SRGAP3: variants seen among roughly 807,000 people sequenced by gnomAD.
SRGAP3 encodes SLIT-ROBO Rho GTPase-activating protein 3.
Under a neutral mutation model 121.1 loss-of-function variants are expected in SRGAP3, and 39 were observed. The ratio of observed to expected loss-of-function variants is 0.32; its 90% confidence interval spans 0.25 to 0.42. The LOEUF is 0.42. Among genes scored for constraint, SRGAP3 ranks in the 10% least tolerant of loss-of-function variants. The probability of loss-of-function intolerance (pLI) is 1.00; values close to 1 mark genes in which losing one functional copy is unlikely to be tolerated. For synonymous variants in SRGAP3, 601 were observed against 570.0 expected (o/e 1.05, Z -0.77); for missense variants, 1,213 against 1,470.6 (o/e 0.82, Z 2.86).
chr3:9,205,776 A>G (rs1952245060), intron 1 of SRGAP3, among the ~76,000 whole-genome samples: 1 of 152,238 alleles, frequency 6.6e-6, no homozygotes, highest in African/African-American at 2.4e-5. Flanking sequence ...CTAGCCATAC[A>G]ATAGGATATT....
At chr3:9,057,043 A>C (rs2669999) in intron 7 of SRGAP3, among the ~76,000 whole-genome samples, 1 of 151,964 alleles carries the variant, frequency 6.6e-6, no homozygotes, top group Non-Finnish European at 1.5e-5. Flanking sequence ...CACCATGCCC[A>C]GCTATTTTTT....
At chr3:9,013,928 A>G (rs1304320350) in intron 15 of SRGAP3, 86 bp from the exon 16 acceptor site, 2 of 1,248,652 alleles carry the variant, frequency 1.6e-6, no homozygotes, top group East Asian at 4.8e-5. Flanking sequence ...TCCTATATCA[A>G]CCCACGTGGA....
intron 4 of SRGAP3, among the ~76,000 whole-genome samples, chr3:9,077,912 G>A (rs559135928): frequency 2.0e-4 from 31 of 152,336 alleles, no homozygotes; most frequent in African/African-American, 7.5e-4. Context: ...CCACACAGCT[G>A]GGTTCAAATG....
chr3:9,306,549 T>C (rs1321214769), intron 3 of SRGAP3, among the ~76,000 whole-genome samples: 2 of 152,228 alleles, frequency 1.3e-5, no homozygotes, highest in Admixed American at 1.3e-4. Flanking sequence ...TGGTTTTAGG[T>C]ATAACATTTA....
upstream of SRGAP3, among the ~76,000 whole-genome samples, chr3:9,251,007 A>C (rs1954000631): frequency 6.6e-6 from 1 of 152,194 alleles, no homozygotes; most frequent in South Asian, 2.1e-4. Context: ...ATAGTCTTCC[A>C]TTTGCCTTTT....
At chr3:9,265,636 G>A (rs1482561942) in intron 3 of SRGAP3, among the ~76,000 whole-genome samples, 1 of 151,962 alleles carries the variant, frequency 6.6e-6, no homozygotes. Flanking sequence ...CATCATCACT[G>A]GTCATTAGAG....
At chr3:9,136,231 C>A (rs1385936317) in intron 1 of SRGAP3, among the ~76,000 whole-genome samples, 1 of 152,232 alleles carries the variant, frequency 6.6e-6, no homozygotes, top group Admixed American at 6.5e-5. Flanking sequence ...GACACGGGCT[C>A]CCCATTGCCG....
chr3:9,050,583 C>T (rs1448804754), intron 9 of SRGAP3, among the ~76,000 whole-genome samples: 1 of 152,188 alleles, frequency 6.6e-6, no homozygotes, highest in Admixed American at 6.5e-5. Context: ...TACTAGGAAA[C>T]CAGGTTAGCA....
At chr3:9,203,711 T>C (rs1225212514) in intron 1 of SRGAP3, among the ~76,000 whole-genome samples, 1 of 152,222 alleles carries the variant, frequency 6.6e-6, no homozygotes, top group African/African-American at 2.4e-5. Context: ...TGTGCCCACC[T>C]CAGAGCCTGG....
intron 2 of SRGAP3, among the ~76,000 whole-genome samples, chr3:9,113,986 A>G (rs1948718946): frequency 2.0e-5 from 3 of 152,206 alleles, no homozygotes; most frequent in African/African-American, 7.2e-5. Flanking sequence ...GCTGGGAGCC[A>G]GAGAGCGCAG....
In SRGAP3 at chr3:9,025,225, CT is replaced by C. The variant is rs1222206310; in HGVS notation, c.1678+35del. 3 of 1,611,478 alleles carry C rather than the reference CT, an allele frequency of 1.9e-6. No homozygotes were observed. In the African/African-American group the frequency reaches 4.0e-5, roughly 22 times the overall value. The stretch of plus-strand genomic sequence containing the variant: ...ACGTGAATATTCACCCTGGCTTCCC[CT>C]GGCCACAAGCCTAAGATGGTCGCTC... On this transcript the variant is annotated intron_variant, in intron 14 of 21. Transcript: ENST00000383836.
At chr3:9,082,080 C>T (rs1040713746) in intron 3 of SRGAP3, among the ~76,000 whole-genome samples, 30 of 152,278 alleles carry the variant, frequency 2.0e-4, no homozygotes, top group East Asian at 7.7e-4. Flanking sequence ...TGGGGGTGAA[C>T]GGCTCAGTGA....
chr3:9,316,272 C>A (rs866844900), intron 3 of SRGAP3, among the ~76,000 whole-genome samples: 25 of 151,540 alleles, frequency 1.6e-4, no homozygotes, highest in African/African-American at 5.8e-4. Context: ...TGGTCTTGAA[C>A]TGCTGGCCTC....
intron 18 of SRGAP3, among the ~76,000 whole-genome samples, chr3:9,006,331 C>T (rs1377474634): frequency 9.6e-5 from 14 of 146,270 alleles, no homozygotes; most frequent in East Asian, 2.0e-4. Context: ...ACCAGGGAGT[C>T]GGAGGCTGCA....
intron 2 of SRGAP3, among the ~76,000 whole-genome samples, chr3:9,112,943 A>G (rs1948682055): frequency 6.6e-6 from 1 of 152,206 alleles, no homozygotes; most frequent in Non-Finnish European, 1.5e-5. Context: ...AGCTCAGACT[A>G]GAAGGATGGG....
At chr3:9,130,922 C>T (rs1949421042) in intron 1 of SRGAP3, among the ~76,000 whole-genome samples, 1 of 152,234 alleles carries the variant, frequency 6.6e-6, no homozygotes, top group South Asian at 2.1e-4. Context: ...CCAGTTCACA[C>T]AACCAGCTGG....
intron 1 of SRGAP3, among the ~76,000 whole-genome samples, chr3:9,155,377 G>C (rs1016624848): frequency 6.6e-6 from 1 of 152,178 alleles, no homozygotes; most frequent in Non-Finnish European, 1.5e-5. Context: ...CTGTCTGGGT[G>C]TGGATTTATT....
chr3:9,249,698 C>T (rs942398546), upstream of SRGAP3: 4 of 231,516 alleles, frequency 1.7e-5, no homozygotes, highest in African/African-American at 8.9e-5. Context: ...CGTCACTAGA[C>T]TCCGCCTCCC....
chr3:9,315,890 ATTAC>A (rs1396236195), intron 3 of SRGAP3, among the ~76,000 whole-genome samples: 1 of 152,224 alleles, frequency 6.6e-6, no homozygotes, highest in African/African-American at 2.4e-5. Context: ...ACAGAGATGA[ATTAC>A]TTAAACTATA....
Sources: allele counts gnomAD v4.1 joint callset (sites outside exome capture counted in the v4.1 genomes callset), GRCh38; gene constraint gnomAD v4.1.1; transcripts MANE v1.5; gene names NCBI Gene and HGNC (gene_info 2026-07-23, HGNC 2026-07-21).